SNTG2: variants seen among roughly 807,000 people sequenced by gnomAD.
SNTG2 encodes syntrophin gamma 2, also known as gamma-2-syntrophin.
In SNTG2, 74 loss-of-function variants were observed where a neutral mutation model predicts 70.9. That is an observed-to-expected ratio of 1.04 (90% CI 0.86 to 1.27). SNTG2 has a LOEUF of 1.27. SNTG2 is among the 50% of genes most tolerant of loss of function. The pLI, the probability that SNTG2 is intolerant of heterozygous loss-of-function variation, is 0.00. For missense variants in SNTG2, 717 were observed against 690.7 expected (o/e 1.04, Z -0.43); for synonymous variants, 278 against 273.8 (o/e 1.02, Z -0.15).
intron 1 of SNTG2, among the ~76,000 whole-genome samples, chr2:1,061,197 T>A (rs1041397169): frequency 4.6e-5 from 7 of 151,946 alleles, no homozygotes; most frequent in Non-Finnish European, 4.4e-5. Context: ...GTGGAAAGAA[T>A]GACAAAAGGT....
At chr2:1,031,549 G>C (rs1275803010) in intron 1 of SNTG2, among the ~76,000 whole-genome samples, 10 of 31,024 alleles carry the variant, frequency 3.2e-4, no homozygotes, top group Non-Finnish European at 5.8e-4. Context: ...TTTTTTTTTT[G>C]AGGCGAAATC....
chr2:1,229,996 G>A (rs1676098232), intron 9 of SNTG2, among the ~76,000 whole-genome samples: 2 of 152,172 alleles, frequency 1.3e-5, no homozygotes. Context: ...CTCCCTGCAA[G>A]CTGAGGGAGT....
chr2:1,154,385 C>G (rs375639794), intron 6 of SNTG2, among the ~76,000 whole-genome samples: 4 of 152,022 alleles, frequency 2.6e-5, no homozygotes, highest in Non-Finnish European at 5.9e-5. Context: ...AGCTTTCTGT[C>G]GGAAGATGTT....
intron 4 of SNTG2, among the ~76,000 whole-genome samples, chr2:1,103,621 C>T (rs1411097778): frequency 2.0e-5 from 3 of 152,178 alleles, no homozygotes; most frequent in Non-Finnish European, 4.4e-5. Context: ...ATCCCTTGAC[C>T]TCATGATCCT....
chr2:963,367 T>C (rs761431658), intron 1 of SNTG2, among the ~76,000 whole-genome samples: 3 of 152,080 alleles, frequency 2.0e-5, no homozygotes, highest in Non-Finnish European at 2.9e-5. Context: ...GTTAACTCTT[T>C]ATTTAACTTT....
At chr2:1,314,903 C>T (rs973267848) in intron 15 of SNTG2, among the ~76,000 whole-genome samples, 14 of 152,082 alleles carry the variant, frequency 9.2e-5, no homozygotes, top group African/African-American at 3.4e-4. Flanking sequence ...GTCACTGTCA[C>T]GAGAACAGCA....
chr2:1,157,345 C>T (rs1434374159), intron 6 of SNTG2, among the ~76,000 whole-genome samples: 4 of 151,996 alleles, frequency 2.6e-5, no homozygotes, highest in Non-Finnish European at 5.9e-5. Context: ...GCGGCTTGTG[C>T]GCTGAATGCA....
At chr2:1,012,386 G>A (rs1323526931) in intron 1 of SNTG2, among the ~76,000 whole-genome samples, 4 of 152,246 alleles carry the variant, frequency 2.6e-5, no homozygotes, top group Admixed American at 2.6e-4. Context: ...AGCAGAGCCT[G>A]GCACAGTCCC....
At chr2:1,005,147 G>A (rs1659526125) in intron 1 of SNTG2, among the ~76,000 whole-genome samples, 1 of 152,194 alleles carries the variant, frequency 6.6e-6, no homozygotes. Flanking sequence ...TCTAGAGACA[G>A]TAAAGAGATC....
intron 7 of SNTG2, among the ~76,000 whole-genome samples, chr2:1,169,041 G>A (rs1484060914): frequency 6.6e-6 from 1 of 152,138 alleles, no homozygotes; most frequent in Non-Finnish European, 1.5e-5. Context: ...GGGAGACTCA[G>A]GTGTCAGACG....
At chr2:1,261,976 CGTTAAGA>C (rs371605315) in intron 13 of SNTG2, among the ~76,000 whole-genome samples, 53 of 152,160 alleles carry the variant, frequency 3.5e-4, no homozygotes, top group African/African-American at 1.2e-3. Context: ...CGCGAGTGGC[CGTTAAGA>C]GTTCTAGAAC....
At position 1,097,054 on chromosome 2, in the gene SNTG2, G is replaced by C. The variant is rs1214186769; in HGVS notation, c.211-1142G>C. On this transcript the variant is annotated intron_variant, in intron 2 of 16. Coordinates refer to ENST00000308624, the MANE Select transcript of SNTG2 (RefSeq NM_018968.4). The surrounding 1 kb of genome is among the most constrained non-coding windows in gnomAD (Gnocchi z 4.1). Reference sequence around the variant, plus strand: ...GTTAAAAATACTATATGTCCAAAAAGGATCGAAATGGTAAAATTTCCAATT... The same window carrying C: ...GTTAAAAATACTATATGTCCAAAAACGATCGAAATGGTAAAATTTCCAATT... 6.6e-6 allele frequency among the ~76,000 whole-genome samples: 1 copy of C among 152,126 alleles called. No homozygotes were observed. The highest frequency in any genetic ancestry group is 1.5e-5 in the Non-Finnish European group (1 of 68,032).
At chr2:978,872 C>T (rs964841658) in intron 1 of SNTG2, among the ~76,000 whole-genome samples, 2 of 152,160 alleles carry the variant, frequency 1.3e-5, no homozygotes, top group Non-Finnish European at 2.9e-5. Context: ...GCTAGAATGT[C>T]CTCATCCATA....
intron 16 of SNTG2, chr2:1,346,601 C>G (rs1039143016): frequency 2.6e-5 from 4 of 152,294 alleles, no homozygotes; most frequent in African/African-American, 7.2e-5. Flanking sequence ...AACAGGAAAT[C>G]GAATGCTGCC....
intron 15 of SNTG2, among the ~76,000 whole-genome samples, chr2:1,314,810 A>G (rs1681193419): frequency 6.6e-6 from 1 of 152,198 alleles, no homozygotes; most frequent in African/African-American, 2.4e-5. Context: ...GGAAGAGCAA[A>G]GGCATGTCTT....
chr2:1,278,802 A>G (rs1679377004), intron 14 of SNTG2, among the ~76,000 whole-genome samples: 1 of 152,204 alleles, frequency 6.6e-6, no homozygotes, highest in African/African-American at 2.4e-5. Flanking sequence ...CCGTGGTCAA[A>G]CGTGGTCCAA....
chr2:1,155,635 G>A (rs932270930), intron 6 of SNTG2, among the ~76,000 whole-genome samples: 21 of 152,218 alleles, frequency 1.4e-4, no homozygotes, highest in Admixed American at 1.2e-3. Context: ...GTGGGTGCCA[G>A]TGAGAGAGAC....
At chr2:1,105,001 T>C (rs79702020) in intron 4 of SNTG2, among the ~76,000 whole-genome samples, 24,300 of 152,224 alleles carry the variant, frequency 0.16, 2,099 homozygotes, top group African/African-American at 0.2. Flanking sequence ...AAAGCCTTCA[T>C]GGTATTCCTT....
intron 14 of SNTG2, among the ~76,000 whole-genome samples, chr2:1,282,814 C>A (rs1242622599): frequency 6.7e-6 from 1 of 149,560 alleles, no homozygotes; most frequent in African/African-American, 2.4e-5. Flanking sequence ...GTGGCTTTGA[C>A]TGATACGATA....
Sources: gnomAD v4.1 joint callset for allele counts (sites outside exome capture counted in the v4.1 genomes callset) on GRCh38, gnomAD v4.1.1 for gene constraint, Gnocchi (gnomAD v3.1) non-coding constraint, MANE v1.5 for transcripts, NCBI Gene and HGNC (gene_info 2026-07-23, HGNC 2026-07-21) for gene names.